Variants in ATF3 observed in about 807,000 individuals in gnomAD.
ATF3 encodes cyclic AMP-dependent transcription factor ATF-3.
In ATF3, 10 loss-of-function variants were observed where a neutral mutation model predicts 18.4. The ratio of observed to expected loss-of-function variants is 0.54; its 90% confidence interval spans 0.34 to 0.92. ATF3 has a LOEUF of 0.92. Among genes scored for constraint, ATF3 ranks in the 40% least tolerant of loss-of-function variants. The pLI, the probability that ATF3 is intolerant of heterozygous loss-of-function variation, is 0.02. For missense variants in ATF3, 183 were observed against 222.3 expected (o/e 0.82, Z 1.12); for synonymous variants, 78 against 87.9 (o/e 0.89, Z 0.63).
At chr1:212,582,807 C>T (rs527983850) in intron 1 of ATF3, among the ~76,000 whole-genome samples, 15 of 152,260 alleles carry the variant, frequency 9.9e-5, no homozygotes, top group African/African-American at 2.6e-4. Flanking sequence ...CTTGACTGAG[C>T]TCTTGATAGA....
chr1:212,614,725 A>G (rs1158687118), intron 1 of ATF3, among the ~76,000 whole-genome samples: 5 of 152,202 alleles, frequency 3.3e-5, no homozygotes, highest in African/African-American at 7.2e-5. Context: ...ACATTTGCAC[A>G]TAGGCACACC....
chr1:212,565,914 C>T (rs1361323426), intron 1 of ATF3, among the ~76,000 whole-genome samples: 1 of 152,150 alleles, frequency 6.6e-6, no homozygotes, highest in Non-Finnish European at 1.5e-5. Flanking sequence ...AGTTGGTTAA[C>T]CCCTTCCTTC....
At chr1:212,606,301 T>C (rs959611258), upstream of ATF3, among the ~76,000 whole-genome samples, 1 of 152,220 alleles carries the variant, frequency 6.6e-6, no homozygotes, top group African/African-American at 2.4e-5. Context: ...AAGATTCTTA[T>C]CACTTTTCGG....
intron 1 of ATF3, among the ~76,000 whole-genome samples, chr1:212,590,334 G>A (rs10494952): frequency 0.21 from 31,746 of 151,230 alleles, 4,047 homozygotes; most frequent in Middle Eastern, 0.32. Flanking sequence ...GAAATTCTGA[G>A]GCCCTGATTT....
upstream of ATF3, among the ~76,000 whole-genome samples, chr1:212,605,500 T>C (rs894962473): frequency 2.0e-5 from 3 of 152,248 alleles, no homozygotes; most frequent in Non-Finnish European, 2.9e-5. Context: ...TCTTATCTTG[T>C]GTTTCTAGCA....
upstream of ATF3, among the ~76,000 whole-genome samples, chr1:212,607,224 C>T (rs1488870610): frequency 1.3e-5 from 2 of 152,170 alleles, no homozygotes; most frequent in Non-Finnish European, 2.9e-5. Context: ...CCAGACACCT[C>T]TAGTTTCTAC....
upstream of ATF3, among the ~76,000 whole-genome samples, chr1:212,605,129 G>A (rs1406657186): frequency 2.0e-5 from 3 of 152,150 alleles, no homozygotes; most frequent in Non-Finnish European, 4.4e-5. Context: ...GGCTGACTGG[G>A]TGCCACATCC....
chr1:212,575,374 T>C (rs1664555239), intron 1 of ATF3, among the ~76,000 whole-genome samples: 1 of 152,072 alleles, frequency 6.6e-6, no homozygotes, highest in African/African-American at 2.4e-5. Flanking sequence ...TGCTATTGAT[T>C]TTTGCATGTT....
chr1:212,577,576 A>C (rs1360837412), intron 1 of ATF3, among the ~76,000 whole-genome samples: 9 of 130,178 alleles, frequency 6.9e-5, no homozygotes, highest in African/African-American at 5.8e-5. Flanking sequence ...CCCCCATCCT[A>C]CCCCCACCAC....
rs1655247609 is a variant in ATF3, at chr1:212,618,905, C to A, written c.349-453C>A. 9.2e-7 allele frequency: 1 copy of A among 1,092,036 alleles called. No individual in the cohort carries two copies. Among genetic ancestry groups the A allele is most frequent in the East Asian group, 2.6e-5 (1 of 39,204 alleles). 67.6% of individuals were successfully genotyped at this position (1,092,036 alleles called of 1,614,324 possible). ...CAAGTCCCACAGATCCCCAAAAGTT[C>A]TGTTGATTGCTTCAGGGGATCAGTG... On this transcript the variant is annotated intron_variant, in intron 3 of 3. Transcript: ENST00000341491. This position sits in a 1 kb window ranked among gnomAD's most constrained non-coding sequence, Gnocchi z 4.4.
intron 1 of ATF3, among the ~76,000 whole-genome samples, chr1:212,598,095 C>T (rs1452720071): frequency 6.6e-6 from 1 of 152,128 alleles, no homozygotes; most frequent in African/African-American, 2.4e-5. Context: ...ATACTTTCAT[C>T]TTTTAAGAAT....
chr1:212,619,498 A>G lies in ATF3; in HGVS notation c.489A>G (p.Pro163=), dbSNP rs1571799795. ...CIVRAQNGRT[P]EDERNLFIQQ... ...TCCGGGCTCAGAATGGGAGGACTCC[A>G]GAAGATGAGAGAAACCTCTTTATCC... Residue 163 remains proline, a synonymous_variant, in exon 4 of 4, where the codon CCA becomes CCG. Coordinates refer to ENST00000341491, the MANE Select transcript of ATF3 (RefSeq NM_001674.4). This position sits in a 1 kb window ranked among gnomAD's most constrained non-coding sequence, Gnocchi z 4.4. 2.5e-6 allele frequency: 4 copies of G among 1,614,230 alleles called. No individual in the cohort carries two copies. Among genetic ancestry groups the G allele is most frequent in the Non-Finnish European group, 3.4e-6 (4 of 1,180,034 alleles).
At chr1:212,567,580 C>T (rs977984186) in intron 1 of ATF3, among the ~76,000 whole-genome samples, 27 of 152,116 alleles carry the variant, frequency 1.8e-4, no homozygotes, top group Admixed American at 1.7e-3. Flanking sequence ...AAAAAAATGT[C>T]TTTATAGCTT....
At chr1:212,566,340 T>G (rs1369717309) in intron 1 of ATF3, among the ~76,000 whole-genome samples, 1 of 152,186 alleles carries the variant, frequency 6.6e-6, no homozygotes, top group African/African-American at 2.4e-5. Context: ...CAAGTTTGAG[T>G]GTCTGGCTCT....
chr1:212,595,908 T>C (rs1392775868), intron 1 of ATF3, among the ~76,000 whole-genome samples: 1 of 152,194 alleles, frequency 6.6e-6, no homozygotes, highest in Non-Finnish European at 1.5e-5. Context: ...TTGAAAGATA[T>C]AATGAAACAG....
Position 212,615,055 on chromosome 1 carries a change from T to C in ATF3, c.34T>C (p.Ser12Pro), listed in dbSNP as rs751253931. The change falls in exon 2 of 4, where the codon TCG becomes CCG. Residue 12 changes from serine (S) to proline (P), a missense_variant. Coordinates refer to ENST00000341491, the MANE Select transcript of ATF3 (RefSeq NM_001674.4). ...TCAACACCCAGGCCAGGTCTCTGCC[T>C]CGGAAGTGAGTGCTTCTGCCATCGT... ...MLQHPGQVSA[S>P]EVSASAIVPC... The C allele has an allele frequency of 5.6e-6, 9 of 1,614,044 alleles. No individual in the cohort carries two copies. Among genetic ancestry groups the C allele is most frequent in the Admixed American group, 3.3e-5 (2 of 60,002 alleles).
chr1:212,618,430 A>C lies in ATF3; in HGVS notation c.348+196A>C. Reference sequence around the variant, plus strand: ...GTTAACACAATGGATGTGACGGTGGATGTATAAAAACAGGTGTGTGAATTC... The same window carrying C: ...GTTAACACAATGGATGTGACGGTGGCTGTATAAAAACAGGTGTGTGAATTC... On this transcript the variant is annotated intron_variant, in intron 3 of 3. Transcript: ENST00000341491. The surrounding 1 kb of genome is among the most constrained non-coding windows in gnomAD (Gnocchi z 4.4). The C allele has an allele frequency of 1.6e-6, 1 of 637,642 alleles. No individual in the cohort carries two copies. The highest frequency in any genetic ancestry group is 1.7e-5 in the South Asian group (1 of 58,876). The allele number at this position is 637,642 out of a possible 1,614,324, so 39.5% of individuals were successfully genotyped here. A position where few individuals can be genotyped will look rare whatever the true frequency, so the allele number is the denominator to read the frequency against.
chr1:212,619,572 G>T lies in ATF3; in HGVS notation c.*17G>T. The T allele has an allele frequency of 6.2e-7, 1 of 1,613,620 alleles. No homozygotes were observed. The highest frequency in any genetic ancestry group is 2.2e-5 in the East Asian group (1 of 44,880). On this transcript the variant is annotated 3_prime_UTR_variant, in exon 4 of 4. Coordinates refer to ENST00000341491, the MANE Select transcript of ATF3 (RefSeq NM_001674.4). This position sits in a 1 kb window ranked among gnomAD's most constrained non-coding sequence, Gnocchi z 4.4. The stretch of plus-strand genomic sequence containing the variant: ...CAGAGCTAAGCAGTCGTGGTATGGG[G>T]GCGACTGGGGAGTCCTCATTGAATC...
upstream of ATF3, among the ~76,000 whole-genome samples, chr1:212,607,521 G>T (rs1654671404): frequency 6.6e-6 from 1 of 152,244 alleles, no homozygotes; most frequent in African/African-American, 2.4e-5. Context: ...TGAGGTCTCA[G>T]CTCGAATCTC....
Sources: gnomAD v4.1 joint callset for allele counts (sites outside exome capture counted in the v4.1 genomes callset) on GRCh38, gnomAD v4.1.1 for gene constraint, Gnocchi (gnomAD v3.1) non-coding constraint, MANE v1.5 for transcripts, NCBI Gene and HGNC (gene_info 2026-07-23, HGNC 2026-07-21) for gene names.